SAMM50: variants seen among roughly 807,000 people sequenced by gnomAD.
SAMM50 encodes the protein sorting and assembly machinery component 50 homolog.
In SAMM50, 47 loss-of-function variants were observed where a neutral mutation model predicts 66.9. The observed-to-expected ratio is 0.70, with a 90% CI of 0.56 to 0.90. The LOEUF (loss-of-function observed/expected upper bound fraction) is 0.90, where lower values mean the gene tolerates loss of function less well. SAMM50 is among the 40% of genes least tolerant of loss of function. SAMM50 has a pLI of 0.00. For synonymous variants in SAMM50, 191 were observed against 214.1 expected, an observed-to-expected ratio of 0.89 and a Z score of 0.94; for missense variants, 535 against 595.3, an observed-to-expected ratio of 0.90 and a Z score of 1.05.
At chr22:43,979,821 C>T (rs2050253153) in intron 10 of SAMM50, among the ~76,000 whole-genome samples, 1 of 151,974 alleles carries the variant, frequency 6.6e-6, no homozygotes, top group Admixed American at 6.6e-5. Context: ...TTTTGTTTCC[C>T]AGAAGGCATT....
intron 9 of SAMM50, 135 bp downstream of exon 9, chr22:43,976,956 G>A: frequency 1.7e-6 from 1 of 585,954 alleles, no homozygotes; most frequent in South Asian, 2.2e-5. Flanking sequence ...TATCGCTTTT[G>A]AAGGTCGCCA....
At chr22:43,976,002 A>G (rs1603419403) in intron 7 of SAMM50, 53 bp from the exon 8 acceptor site, 1 of 1,539,932 alleles carries the variant, frequency 6.5e-7, no homozygotes. Context: ...ATGATTTGCA[A>G]CAAGTTCCTA....
chr22:43,972,959 G>A lies in SAMM50; in HGVS notation c.518G>A (p.Gly173Asp), dbSNP rs747996230. 2.5e-6 allele frequency: 4 copies of A among 1,599,976 alleles called. No individual in the cohort carries two copies. Among genetic ancestry groups the A allele is most frequent in the Non-Finnish European group, 3.4e-6 (4 of 1,177,034 alleles). ...FSYGTKETSY[G>D]LSFFKPRPGN... Reference sequence around the variant, plus strand: ...TATGGAACAAAAGAAACTTCGTATGGCCTGTCCTTCTTCAAACCACGGCCC... The same window carrying A: ...TATGGAACAAAAGAAACTTCGTATGACCTGTCCTTCTTCAAACCACGGCCC... The change falls in exon 6 of 15, where the codon GGC (glycine) becomes GAC (aspartate). Residue 173 changes from glycine (G) to aspartate (D), a missense_variant. Transcript: ENST00000350028.
In SAMM50 at chr22:43,967,660, C is replaced by T. The variant is rs112090077; in HGVS notation, c.235-1071C>T. On this transcript the variant is annotated intron_variant, in intron 3 of 14. Transcript: ENST00000350028. ...TCCCATCTGGGCAGAATACCGCATTCGTCTGTGTGATCCGTTCTTTCTCAC... is the reference window on the plus strand; with the variant it reads ...TCCCATCTGGGCAGAATACCGCATTTGTCTGTGTGATCCGTTCTTTCTCAC... 5.3e-5 allele frequency among the ~76,000 whole-genome samples: 8 copies of T among 152,314 alleles called. No individual in the cohort carries two copies. In the South Asian group the frequency reaches 1.0e-3, roughly 20 times the overall value.
At chr22:43,986,520 A>T (rs1049543462) in intron 12 of SAMM50, 6 of 151,598 alleles carry the variant, frequency 4.0e-5, no homozygotes, top group African/African-American at 1.2e-4. Flanking sequence ...GATGCATATT[A>T]TTCCATTATT....
intron 12 of SAMM50, chr22:43,988,319 A>G (rs1484615295): frequency 1.3e-5 from 2 of 152,302 alleles, no homozygotes; most frequent in East Asian, 3.9e-4. Flanking sequence ...TCAGCAGTTC[A>G]TTCCTTGAAG....
intron 1 of SAMM50, among the ~76,000 whole-genome samples, chr22:43,956,164 C>T (rs970042999): frequency 2.0e-5 from 3 of 152,200 alleles, no homozygotes; most frequent in Non-Finnish European, 4.4e-5. Context: ...CATGTGAATA[C>T]TTGGGTGCCT....
intron 13 of SAMM50, among the ~76,000 whole-genome samples, chr22:43,990,026 A>G (rs1488672643): frequency 6.6e-6 from 1 of 152,218 alleles, no homozygotes; most frequent in Non-Finnish European, 1.5e-5. Flanking sequence ...AGGGAACAGA[A>G]TATGCCAGGC....
At position 43,972,994 on chromosome 22, in the gene SAMM50, G is replaced by T; in HGVS notation, c.553G>T (p.Glu185Ter). 6.3e-7 allele frequency: 1 copy of T among 1,588,252 alleles called. No homozygotes were observed. Among genetic ancestry groups the T allele is most frequent in the Non-Finnish European group, 8.5e-7 (1 of 1,173,942 alleles). Residue 185 changes from glutamate to a stop codon, truncating the protein, a stop_gained, in exon 6 of 15, where the codon GAA becomes TAA. Coordinates refer to ENST00000350028, the MANE Select transcript of SAMM50 (RefSeq NM_015380.5). LOFTEE classifies it high-confidence loss of function. ...CTTCAAACCACGGCCCGGAAACTTC[G>T]AAAGAAAGTAGGAAGCCCAACAGAT... ...SFFKPRPGNFERNFSVNLYKV... is the reference protein window; with the variant it reads ...SFFKPRPGNF
chr22:43,972,469 T>C (rs749768319), intron 5 of SAMM50, 127 bp downstream of exon 5: 34 of 561,922 alleles, frequency 6.1e-5, no homozygotes, highest in Middle Eastern at 9.2e-4. Context: ...AATCTGTTGT[T>C]ATTTGTGGTT....
At chr22:43,990,565 G>C (rs2050318428) in intron 14 of SAMM50, among the ~76,000 whole-genome samples, 159 bp downstream of exon 14, 1 of 152,174 alleles carries the variant, frequency 6.6e-6, no homozygotes, top group African/African-American at 2.4e-5. Context: ...TTCCTCCTTT[G>C]CGTTTTTCTC....
intron 1 of SAMM50, among the ~76,000 whole-genome samples, chr22:43,962,881 A>ATTTTTTTTTTTTTTTTTT (rs58022542): frequency 1.5e-5 from 1 of 65,518 alleles, no homozygotes; most frequent in Non-Finnish European, 2.7e-5. Context: ...CTTTTGGTTA[A>ATTTTTTTTTTTTTTTTTT]TTTTTTTTTT....
chr22:43,971,286 G>A (rs2050202241), intron 4 of SAMM50, among the ~76,000 whole-genome samples: 1 of 152,210 alleles, frequency 6.6e-6, no homozygotes, highest in Non-Finnish European at 1.5e-5. Flanking sequence ...TAGATGTCCA[G>A]CCAGGGCTGA....
At chr22:43,966,151 T>G (rs1302915875) in intron 3 of SAMM50, among the ~76,000 whole-genome samples, 2 of 152,190 alleles carry the variant, frequency 1.3e-5, no homozygotes, top group Non-Finnish European at 2.9e-5. Flanking sequence ...CTACATTTTA[T>G]TATAAACAGT....
intron 10 of SAMM50, 148 bp from the exon 11 acceptor site, chr22:43,981,243 A>G (rs1417837410): frequency 3.1e-6 from 2 of 648,574 alleles, no homozygotes; most frequent in Admixed American, 4.7e-5. Context: ...GCAACGGGAC[A>G]AGCCAGGCAT....
At chr22:43,970,077 T>C (rs545858207) in intron 4 of SAMM50, among the ~76,000 whole-genome samples, 99 of 152,276 alleles carry the variant, frequency 6.5e-4, no homozygotes, top group Middle Eastern at 3.4e-3. Context: ...ATTTGGAGTA[T>C]AGTTTCAGCC....
Position 43,973,288 on chromosome 22 carries a change from C to T in SAMM50, c.613C>T (p.Arg205Trp), listed in dbSNP as rs150292452. The T allele has an allele frequency of 4.4e-5, 70 of 1,606,954 alleles. No individual in the cohort carries two copies. The highest frequency in any genetic ancestry group is 8.8e-5 in the South Asian group (8 of 90,908). ...TGGACAGTTCCCTTGGAGCTCACTG[C>T]GGGAGACGGACAGAGGAATGTCAGC... ...VTGQFPWSSLRETDRGMSAEY... is the reference protein window; with the variant it reads ...VTGQFPWSSLWETDRGMSAEY... Residue 205 changes from arginine (R) to tryptophan (W), a missense_variant, in exon 7 of 15, where the codon CGG becomes TGG. Physicochemically the swap from Arg to Trp is moderately radical, Grantham distance 101. Coordinates refer to ENST00000350028, the MANE Select transcript of SAMM50 (RefSeq NM_015380.5).
chr22:43,991,518 T>C (rs754017241), intron 14 of SAMM50, among the ~76,000 whole-genome samples: 2 of 152,170 alleles, frequency 1.3e-5, no homozygotes, highest in Non-Finnish European at 2.9e-5. Flanking sequence ...TCTGCCCGCA[T>C]TGGCCTCCCA....
intron 13 of SAMM50, 113 bp downstream of exon 13, chr22:43,989,370 C>T (rs929658746): frequency 1.5e-4 from 161 of 1,101,066 alleles, no homozygotes; most frequent in Non-Finnish European, 1.9e-4. Flanking sequence ...TGGAGTCTCG[C>T]TCTATTGCCA....
Sources: allele counts gnomAD v4.1 joint callset (sites outside exome capture counted in the v4.1 genomes callset), GRCh38; gene constraint gnomAD v4.1.1; transcripts MANE v1.5; gene names NCBI Gene and HGNC (gene_info 2026-07-23, HGNC 2026-07-21).